Variants in ABHD17C observed in about 807,000 individuals in gnomAD.
ABHD17C encodes the protein alpha/beta hydrolase domain-containing protein 17C.
Under a neutral mutation model 27.9 loss-of-function variants are expected in ABHD17C, and 11 were observed. The observed-to-expected ratio is 0.39, with a 90% confidence interval of 0.25 to 0.65. ABHD17C has a LOEUF of 0.65. Ranked by LOEUF, ABHD17C falls within the 30% of genes least tolerant of loss-of-function variation. The pLI, the probability that ABHD17C is intolerant of heterozygous loss-of-function variation, is 0.45. For synonymous variants in ABHD17C, 233 were observed against 209.1 expected, an observed-to-expected ratio of 1.11 and a Z score of -0.98; for missense variants, 280 against 470.2, an observed-to-expected ratio of 0.60 and a Z score of 3.74.
chr15:80,743,909 G>T (rs76150850), intron 1 of ABHD17C, among the ~76,000 whole-genome samples: 2,115 of 152,226 alleles, frequency 0.014, 39 homozygotes, highest in Non-Finnish European at 0.017. Flanking sequence ...ATTGTTTCTG[G>T]CTGCTCCAAA....
chr15:80,717,436 C>G (rs2141500262), intron 1 of ABHD17C, among the ~76,000 whole-genome samples: 1 of 150,684 alleles, frequency 6.6e-6, no homozygotes, highest in Admixed American at 6.6e-5. Context: ...ATTTGTTGCG[C>G]AGGCTGGAGG....
At chr15:80,716,533 CT>C (rs1894805865) in intron 1 of ABHD17C, among the ~76,000 whole-genome samples, 1 of 152,050 alleles carries the variant, frequency 6.6e-6, no homozygotes, top group African/African-American at 2.4e-5. Context: ...TCTAGAGCCT[CT>C]GTAGGTTTCT....
intron 1 of ABHD17C, among the ~76,000 whole-genome samples, chr15:80,740,918 A>G (rs1367440028): frequency 1.3e-5 from 2 of 152,200 alleles, no homozygotes; most frequent in Admixed American, 1.3e-4. Context: ...TACACATTTA[A>G]GTCAGGACCA....
chr15:80,739,202 C>G (rs1232966493), intron 1 of ABHD17C, among the ~76,000 whole-genome samples: 8 of 152,174 alleles, frequency 5.3e-5, no homozygotes, highest in African/African-American at 1.9e-4. Context: ...ATACTTTGTT[C>G]TTCACCTCAT....
intron 1 of ABHD17C, among the ~76,000 whole-genome samples, chr15:80,734,848 C>G (rs1895107547): frequency 6.6e-6 from 1 of 152,182 alleles, no homozygotes; most frequent in African/African-American, 2.4e-5. Context: ...TTAGGTAAAG[C>G]TTGTCTTGAT....
At position 80,695,764 on chromosome 15, in the gene ABHD17C, C is replaced by G; in HGVS notation, c.335C>G (p.Ser112Trp). The G allele has an allele frequency of 6.5e-7, 1 of 1,539,556 alleles. No individual in the cohort carries two copies. Among genetic ancestry groups the G allele is most frequent in the Non-Finnish European group, 8.7e-7 (1 of 1,149,226 alleles). Residue 112 changes from serine to tryptophan, a missense_variant, in exon 1 of 3, where the codon TCG becomes TGG. Ser to Trp is a radical substitution (Grantham distance 177, BLOSUM62 -3). Transcript: ENST00000258884. This position sits in a 1 kb window ranked among gnomAD's most constrained non-coding sequence, Gnocchi z 4.3. ...CTGGACGCCGTCGAGGTCTTCTTCT[C>G]GCGCACGGCCCGGGACAACCGGCTC... The part of the protein sequence containing the change: ...RELDAVEVFF[S>W]RTARDNRLGC...
At chr15:80,703,942 G>T (rs150138120) in intron 1 of ABHD17C, among the ~76,000 whole-genome samples, 14 of 152,292 alleles carry the variant, frequency 9.2e-5, no homozygotes, top group African/African-American at 3.4e-4. Context: ...AGTAGGCACA[G>T]TAAGAGATTA....
intron 1 of ABHD17C, among the ~76,000 whole-genome samples, chr15:80,707,569 C>G (rs1414600972): frequency 1.3e-5 from 2 of 151,142 alleles, no homozygotes; most frequent in Non-Finnish European, 2.9e-5. Context: ...TGAGCCCCCC[C>G]TCAAAAAAAA....
intron 1 of ABHD17C, among the ~76,000 whole-genome samples, chr15:80,698,947 C>G (rs1894534921): frequency 6.6e-6 from 1 of 152,234 alleles, no homozygotes; most frequent in South Asian, 2.1e-4. Flanking sequence ...TTAGATTATT[C>G]CCCCAGGAGG....
chr15:80,740,590 G>A (rs899783232), intron 1 of ABHD17C, among the ~76,000 whole-genome samples: 3 of 152,212 alleles, frequency 2.0e-5, no homozygotes, highest in South Asian at 2.1e-4. Context: ...AGAGACATAC[G>A]GATCAGAATT....
intron 1 of ABHD17C, among the ~76,000 whole-genome samples, chr15:80,697,992 G>A (rs1463397502): frequency 6.6e-6 from 1 of 151,282 alleles, no homozygotes; most frequent in Non-Finnish European, 1.5e-5. Flanking sequence ...CATACCTGAA[G>A]CCAATGCTTC....
chr15:80,729,562 A>T (rs74438474), intron 1 of ABHD17C, among the ~76,000 whole-genome samples: 2 of 151,708 alleles, frequency 1.3e-5, no homozygotes, highest in Non-Finnish European at 2.9e-5. Context: ...GTTTTGGGTG[A>T]AAAAAAACAG....
intron 1 of ABHD17C, among the ~76,000 whole-genome samples, chr15:80,706,568 T>C (rs1284099899): frequency 1.3e-5 from 2 of 152,232 alleles, no homozygotes; most frequent in African/African-American, 4.8e-5. Flanking sequence ...TAAAGGAGCC[T>C]GTGTTCAGAA....
chr15:80,708,640 G>A (rs1260896190), intron 1 of ABHD17C, among the ~76,000 whole-genome samples: 1 of 152,196 alleles, frequency 6.6e-6, no homozygotes, highest in Non-Finnish European at 1.5e-5. Flanking sequence ...GAATACTCCA[G>A]TACAGGGGGC....
intron 1 of ABHD17C, among the ~76,000 whole-genome samples, chr15:80,706,354 A>G (rs934818380): frequency 6.6e-6 from 1 of 152,232 alleles, no homozygotes; most frequent in African/African-American, 2.4e-5. Flanking sequence ...GCTCAGACGG[A>G]TAGTTAACGG....
At chr15:80,701,231 G>A (rs1409686680) in intron 1 of ABHD17C, among the ~76,000 whole-genome samples, 1 of 152,024 alleles carries the variant, frequency 6.6e-6, no homozygotes, top group Non-Finnish European at 1.5e-5. Context: ...GTCTCAGGGT[G>A]GAATTCTCCT....
chr15:80,718,659 A>G (rs946123261), intron 1 of ABHD17C, among the ~76,000 whole-genome samples: 2 of 151,976 alleles, frequency 1.3e-5, no homozygotes, highest in Admixed American at 6.6e-5. Flanking sequence ...TAAACCCCAC[A>G]CTTTGCCCAT....
intron 1 of ABHD17C, among the ~76,000 whole-genome samples, chr15:80,707,567 C>A (rs919223727): frequency 1.3e-5 from 2 of 151,506 alleles, no homozygotes; most frequent in Admixed American, 6.6e-5. Context: ...GATGAGCCCC[C>A]CCTCAAAAAA....
Position 80,741,231 on chromosome 15 carries a change from C to G in ABHD17C, c.591-8282C>G, listed in dbSNP as rs995561456. Among the ~76,000 whole-genome samples, 11 of 152,042 alleles carry G rather than the reference C, an allele frequency of 7.2e-5. 1 individual carries two copies. The highest frequency in any genetic ancestry group is 1.9e-4 in the East Asian group (1 of 5,158). On this transcript the variant is annotated intron_variant, in intron 1 of 2. Transcript: ENST00000258884. ...TTCTGTCCTCTAAAGGTTTCATGTC[C>G]GGTCCAAGGGAGATGCCCAGCAGCT...
Sources: gnomAD v4.1 joint callset for allele counts (sites outside exome capture counted in the v4.1 genomes callset) on GRCh38, gnomAD v4.1.1 for gene constraint, Gnocchi (gnomAD v3.1) non-coding constraint, MANE v1.5 for transcripts, NCBI Gene and HGNC (gene_info 2026-07-23, HGNC 2026-07-21) for gene names.